The following KIF26B variants were observed in gnomAD, a reference collection of about 807,000 sequenced individuals.
KIF26B encodes the protein kinesin-like protein KIF26B.
Under a neutral mutation model 151.2 loss-of-function variants are expected in KIF26B, and 63 were observed. That is an observed-to-expected ratio of 0.42 (90% CI 0.34 to 0.51). The LOEUF (loss-of-function observed/expected upper bound fraction) is 0.51, where lower values mean the gene tolerates loss of function less well. KIF26B is among the 20% of genes least tolerant of loss of function. The probability of loss-of-function intolerance (pLI) is 0.07; values close to 1 mark genes in which losing one functional copy is unlikely to be tolerated. For synonymous variants in KIF26B, 1,357 were observed against 1,262.1 expected (o/e 1.08, Z -1.59); for missense variants, 2,813 against 2,913.6 (o/e 0.97, Z 0.79).
chr1:245,575,798 TTCTA>T (rs1209575219), intron 5 of KIF26B, among the ~76,000 whole-genome samples: 3 of 152,204 alleles, frequency 2.0e-5, no homozygotes, highest in South Asian at 2.1e-4. Context: ...AGGCTACCTT[TTCTA>T]TCTGTTTTGT....
At position 245,367,063 on chromosome 1, in the gene KIF26B, G is replaced by A; in HGVS notation, c.695G>A (p.Gly232Glu). Residue 232 changes from glycine to glutamate, a missense_variant, in exon 3 of 15, where the codon GGG (glycine) becomes GAG (glutamate). This residue lies in a region of KIF26B where 676 missense variants were observed against 688.1 expected (regional missense o/e 0.98). Transcript: ENST00000407071. The surrounding 1 kb of genome is among the most constrained non-coding windows in gnomAD (Gnocchi z 4.2). Reference protein sequence around the residue: ...PPLSNIPTLVGSRHVGGLQQP... With the variant: ...PPLSNIPTLVESRHVGGLQQP... ...CTCTCCAACATCCCCACCCTGGTGG[G>A]GTCCCGGCACGTGGGTGGGCTCCAG... is the stretch of plus-strand genomic sequence containing the variant. 6.2e-7 allele frequency: 1 copy of A among 1,605,582 alleles called. No individual in the cohort carries two copies.
At chr1:245,447,355 G>A (rs948521285) in intron 4 of KIF26B, among the ~76,000 whole-genome samples, 4 of 152,168 alleles carry the variant, frequency 2.6e-5, no homozygotes, top group African/African-American at 9.7e-5. Flanking sequence ...AATATGCTTC[G>A]TACTGGGAGG....
At chr1:245,544,163 C>A (rs180848750) in intron 5 of KIF26B, among the ~76,000 whole-genome samples, 31 of 152,210 alleles carry the variant, frequency 2.0e-4, no homozygotes, top group South Asian at 4.1e-4. Context: ...GTTCTTTATA[C>A]CCATGTGGAA....
intron 9 of KIF26B, among the ~76,000 whole-genome samples, chr1:245,623,997 T>G (rs2043694136): frequency 6.6e-6 from 1 of 152,080 alleles, no homozygotes; most frequent in South Asian, 2.1e-4. Flanking sequence ...AGGATGGATG[T>G]CCCCCATGCT....
Position 245,375,251 on chromosome 1 carries a change from A to G in KIF26B, c.999+7884A>G, listed in dbSNP as rs1157070906. ...ACCACCATGTCCGGCTAATTTTTGT[A>G]TTTTTAGTAGAGATGAGGTTTCACC... is the stretch of plus-strand genomic sequence containing the variant. On this transcript the variant is annotated intron_variant, in intron 3 of 14. Transcript: ENST00000407071. The surrounding 1 kb of genome is among the most constrained non-coding windows in gnomAD (Gnocchi z 4.2). Among the ~76,000 whole-genome samples the G allele has an allele frequency of 1.3e-5, 2 of 151,974 alleles. No individual in the cohort carries two copies. Among genetic ancestry groups the G allele is most frequent in the African/African-American group, 4.8e-5 (2 of 41,356 alleles).
chr1:245,239,942 G>A lies in KIF26B; in HGVS notation c.465+83259G>A, dbSNP rs1670183540. On this transcript the variant is annotated intron_variant, in intron 2 of 14. Transcript: ENST00000407071. The surrounding 1 kb of genome is among the most constrained non-coding windows in gnomAD (Gnocchi z 4.3). ...TGTAATCCCAGCCCTTTGGGAGGCC[G>A]AGGCGGGCGGATCACTTGAGGTCAG... Among the ~76,000 whole-genome samples the A allele has an allele frequency of 1.3e-5, 2 of 152,170 alleles. No individual in the cohort carries two copies. The highest frequency in any genetic ancestry group is 2.1e-4 in the South Asian group (1 of 4,818).
chr1:245,202,944 A>AC lies in KIF26B; in HGVS notation c.465+46261_465+46262insC, dbSNP rs1355669530. Among the ~76,000 whole-genome samples, 4 of 27,188 alleles carry AC rather than the reference A, an allele frequency of 1.5e-4. No individual in the cohort carries two copies. The Admixed American group carries it at 2.0e-3, about 14-fold the overall frequency. 17.8% of individuals were successfully genotyped at this position (27,188 alleles called of 152,430 possible). A position where few individuals can be genotyped will look rare whatever the true frequency, so the allele number is the denominator to read the frequency against. On this transcript the variant is annotated intron_variant, in intron 2 of 14. Transcript: ENST00000407071. ...TGACTAGAGCAAGACTCTGTCTCAA[A>AC]AAAAACAAAACAAAACAAAAACAAA...
At chr1:245,436,263 G>C (rs554059258) in intron 4 of KIF26B, among the ~76,000 whole-genome samples, 1 of 152,202 alleles carries the variant, frequency 6.6e-6, no homozygotes, top group Admixed American at 6.5e-5. Context: ...TCTCAGTTGG[G>C]AGATTCTGCC....
intron 10 of KIF26B, among the ~76,000 whole-genome samples, chr1:245,682,969 G>T (rs1033806862): frequency 2.6e-5 from 4 of 152,116 alleles, no homozygotes; most frequent in Admixed American, 6.5e-5. Flanking sequence ...TGGTCATTTT[G>T]CTGGAAGGGA....
At chr1:245,641,001 A>G (rs974429778) in intron 9 of KIF26B, among the ~76,000 whole-genome samples, 2 of 152,174 alleles carry the variant, frequency 1.3e-5, no homozygotes, top group African/African-American at 2.4e-5. Context: ...TGCTTTTAAG[A>G]ACTTCTTTAG....
chr1:245,288,713 C>G (rs1385205809), intron 2 of KIF26B, among the ~76,000 whole-genome samples: 1 of 152,152 alleles, frequency 6.6e-6, no homozygotes, highest in Non-Finnish European at 1.5e-5. Flanking sequence ...GGAAGAAGAG[C>G]TATACCATGC....
intron 9 of KIF26B, among the ~76,000 whole-genome samples, chr1:245,612,543 G>T (rs1377704084): frequency 6.6e-6 from 1 of 152,156 alleles, no homozygotes; most frequent in Non-Finnish European, 1.5e-5. Context: ...ATTTACAAAT[G>T]TCATTGCCAT....
intron 5 of KIF26B, among the ~76,000 whole-genome samples, chr1:245,577,612 G>A (rs1417080660): frequency 1.4e-5 from 2 of 142,276 alleles, no homozygotes; most frequent in South Asian, 2.3e-4. Context: ...TGTGGAACTC[G>A]GCAGTGCATC....
chr1:245,274,150 G>A (rs1019855741), intron 2 of KIF26B, among the ~76,000 whole-genome samples: 2 of 151,956 alleles, frequency 1.3e-5, no homozygotes, highest in Non-Finnish European at 2.9e-5. Context: ...TGCACACTTT[G>A]TTATTGATGT....
At chr1:245,474,811 G>T (rs1023073817) in intron 4 of KIF26B, among the ~76,000 whole-genome samples, 1 of 151,714 alleles carries the variant, frequency 6.6e-6, no homozygotes, top group Non-Finnish European at 1.5e-5. Flanking sequence ...CCAGCCTCTG[G>T]TAACCACCCA....
At chr1:245,542,460 C>T (rs1397024246) in intron 5 of KIF26B, among the ~76,000 whole-genome samples, 1 of 152,228 alleles carries the variant, frequency 6.6e-6, no homozygotes, top group Non-Finnish European at 1.5e-5. Context: ...AGGGCTTTCC[C>T]AGGCCCAGCA....
intron 3 of KIF26B, among the ~76,000 whole-genome samples, chr1:245,400,064 C>T (rs1305951060): frequency 6.6e-6 from 1 of 152,118 alleles, no homozygotes; most frequent in African/African-American, 2.4e-5. Flanking sequence ...AGAGAAGACA[C>T]TGCTTTTTAA....
At chr1:245,245,658 TG>T (rs1670313952) in intron 2 of KIF26B, among the ~76,000 whole-genome samples, 1 of 151,766 alleles carries the variant, frequency 6.6e-6, no homozygotes, top group Non-Finnish European at 1.5e-5. Flanking sequence ...AATTGCTGGG[TG>T]CGGTGGCTCA....
intron 3 of KIF26B, among the ~76,000 whole-genome samples, chr1:245,378,106 T>C (rs540325847): frequency 6.6e-6 from 1 of 152,278 alleles, no homozygotes; most frequent in Non-Finnish European, 1.5e-5. Flanking sequence ...AAATTTAAGT[T>C]GCGAGCCTAA....
Sources: gnomAD v4.1 joint callset for allele counts (sites outside exome capture counted in the v4.1 genomes callset) on GRCh38, gnomAD v4.1.1 for gene constraint, gnomAD v4.1.1 regional missense constraint, Gnocchi (gnomAD v3.1) non-coding constraint, MANE v1.5 for transcripts, NCBI Gene and HGNC (gene_info 2026-07-23, HGNC 2026-07-21) for gene names.